The following STK3 variants were observed in gnomAD, a reference collection of about 807,000 sequenced individuals.
STK3 encodes the protein serine/threonine kinase 3.
STK3 carries 41 observed loss-of-function variants against 58.0 expected under a neutral mutation model. The observed-to-expected ratio is 0.71, with a 90% CI of 0.55 to 0.92. STK3 has a LOEUF of 0.92. Ranked by LOEUF, STK3 falls within the 40% of genes least tolerant of loss-of-function variation. The pLI is 0.00. For synonymous variants in STK3, 170 were observed against 191.0 expected (o/e 0.89, Z 0.91); for missense variants, 479 against 602.7 (o/e 0.79, Z 2.15).
chr8:98,547,144 T>C (rs915041107), intron 9 of STK3, among the ~76,000 whole-genome samples: 1 of 152,160 alleles, frequency 6.6e-6, no homozygotes, highest in Non-Finnish European at 1.5e-5. Flanking sequence ...GGAGAGGCAA[T>C]ACTCTTCAGT....
chr8:98,412,810 T>C lies in STK3; in HGVS notation n.484-11297A>G, dbSNP rs185302654. 3.9e-3 allele frequency: 620 copies of C among 158,198 alleles called. 4 individuals carry two copies. Among genetic ancestry groups the C allele is most frequent in the South Asian group, 7.3e-3 (38 of 5,240 alleles). 9.8% of individuals were successfully genotyped at this position (158,198 alleles called of 1,614,324 possible). A position where few individuals can be genotyped will look rare whatever the true frequency, so the allele number is the denominator to read the frequency against. ...ATGTTTTTATGACTAAAAGTTACAG[T>C]TCAGGCTCTCTCTCTTATAGAATAT... On this transcript the variant is annotated intron_variant and non_coding_transcript_variant, in intron 3 of 3. Transcript: ENST00000517832.
At chr8:98,941,319 A>ACTCCC (rs1282654933) in intron 1 of STK3, among the ~76,000 whole-genome samples, 5 of 152,004 alleles carry the variant, frequency 3.3e-5, no homozygotes, top group Non-Finnish European at 7.4e-5. Flanking sequence ...CGTCCTTGCT[A>ACTCCC]CTCCAGGGCC....
At chr8:98,465,994 C>A (rs549374913) in intron 10 of STK3, among the ~76,000 whole-genome samples, 195 of 152,232 alleles carry the variant, frequency 1.3e-3, no homozygotes, top group Non-Finnish European at 1.9e-3. Context: ...AGGCCCAGGA[C>A]AACAAAATTT....
chr8:98,802,156 A>G (rs1833598696), intron 1 of STK3, among the ~76,000 whole-genome samples: 1 of 152,222 alleles, frequency 6.6e-6, no homozygotes, highest in Non-Finnish European at 1.5e-5. Flanking sequence ...TGGACTACAG[A>G]GCAAGACCCT....
chr8:98,618,869 C>T (rs1416054592), intron 6 of STK3, among the ~76,000 whole-genome samples: 9 of 150,368 alleles, frequency 6.0e-5, no homozygotes, highest in East Asian at 1.9e-4. Context: ...GAATCAATAT[C>T]GTGAAAAAGG....
At chr8:98,541,058 C>T (rs992221468) in intron 9 of STK3, among the ~76,000 whole-genome samples, 4 of 152,170 alleles carry the variant, frequency 2.6e-5, no homozygotes, top group Non-Finnish European at 1.5e-5. Flanking sequence ...CTCGTTGTGG[C>T]AGTAGTAGTT....
chr8:98,739,562 C>T (rs1326195365), intron 4 of STK3, among the ~76,000 whole-genome samples: 10 of 147,804 alleles, frequency 6.8e-5, no homozygotes, highest in Admixed American at 4.1e-4. Context: ...AACTAACAAA[C>T]AGAAAGGACA....
At chr8:98,592,630 C>T (rs1175570860) in intron 7 of STK3, among the ~76,000 whole-genome samples, 2 of 152,072 alleles carry the variant, frequency 1.3e-5, no homozygotes, top group Non-Finnish European at 1.5e-5. Flanking sequence ...TCCTCTAGGA[C>T]ACTGTCTTTG....
chr8:98,422,347 C>A (rs1456597749), intron 3 of STK3, among the ~76,000 whole-genome samples: 2 of 152,140 alleles, frequency 1.3e-5, no homozygotes, highest in Non-Finnish European at 2.9e-5. Flanking sequence ...GGGGCCTAGA[C>A]CTGGCTTCCC....
At chr8:98,818,275 T>C (rs533943330) in intron 1 of STK3, among the ~76,000 whole-genome samples, 2 of 152,342 alleles carry the variant, frequency 1.3e-5, no homozygotes, top group East Asian at 1.9e-4. Context: ...GAGTGTATGT[T>C]ATATGAGGGC....
chr8:98,596,928 T>C (rs1414728899), intron 6 of STK3, among the ~76,000 whole-genome samples: 1 of 151,820 alleles, frequency 6.6e-6, no homozygotes, highest in Non-Finnish European at 1.5e-5. Context: ...AAATATGAAA[T>C]ACAAGTCAGT....
chr8:98,643,917 G>A (rs1211229138), intron 6 of STK3, among the ~76,000 whole-genome samples: 1 of 152,124 alleles, frequency 6.6e-6, no homozygotes, highest in African/African-American at 2.4e-5. Flanking sequence ...AATGTGGGCT[G>A]AAGTGGGAAA....
the STK3 span, among the ~76,000 whole-genome samples, chr8:98,363,381 G>A: frequency 6.6e-6 from 1 of 152,166 alleles, no homozygotes; most frequent in African/African-American, 2.4e-5. Context: ...ATAACAAGGA[G>A]ACTCATGCTG....
chr8:98,663,684 T>C (rs577341815), intron 6 of STK3, among the ~76,000 whole-genome samples: 151 of 152,282 alleles, frequency 9.9e-4, no homozygotes, highest in African/African-American at 3.4e-3. Flanking sequence ...TGGAATACTA[T>C]GCAGCCATAA....
chr8:98,844,906 G>A (rs1431368916), intron 3 of STK3, among the ~76,000 whole-genome samples: 2 of 152,202 alleles, frequency 1.3e-5, no homozygotes, highest in Non-Finnish European at 2.9e-5. Flanking sequence ...GCTAGGAAGT[G>A]TTTTTTCTAC....
chr8:98,898,107 C>T (rs1838523510), intron 1 of STK3, among the ~76,000 whole-genome samples: 1 of 152,232 alleles, frequency 6.6e-6, no homozygotes, highest in South Asian at 2.1e-4. Flanking sequence ...AGAAGAAGCA[C>T]TCAGATTACC....
At chr8:98,370,223 G>C (rs1817597980), downstream of STK3, among the ~76,000 whole-genome samples, 2 of 151,674 alleles carry the variant, frequency 1.3e-5, no homozygotes, top group African/African-American at 4.9e-5. Context: ...TGTTTGTTGG[G>C]TGGGGGCTGA....
intron 6 of STK3, among the ~76,000 whole-genome samples, chr8:98,604,825 C>G (rs1293781221): frequency 6.6e-6 from 1 of 152,172 alleles, no homozygotes; most frequent in Non-Finnish European, 1.5e-5. Context: ...TTTGCTCATG[C>G]ATATGGGCAC....
chr8:98,941,057 C>T (rs1840403445), intron 1 of STK3, among the ~76,000 whole-genome samples: 1 of 152,176 alleles, frequency 6.6e-6, no homozygotes. Context: ...CCTCACGCAG[C>T]GGAGCCCACC....
Sources: allele counts gnomAD v4.1 joint callset (sites outside exome capture counted in the v4.1 genomes callset), GRCh38; gene constraint gnomAD v4.1.1; transcripts MANE v1.5; gene names NCBI Gene and HGNC (gene_info 2026-07-23, HGNC 2026-07-21).